Variants in MROH7 observed in about 807,000 individuals in gnomAD.
MROH7 encodes the protein maestro heat like repeat family member 7.
MROH7 carries 113 observed loss-of-function variants against 129.2 expected under a neutral mutation model. The observed-to-expected ratio is 0.87, with a 90% CI of 0.75 to 1.02. The LOEUF is 1.02. Among genes scored for constraint, MROH7 ranks in the 50% least tolerant of loss-of-function variants. MROH7 has a pLI of 0.00. For synonymous variants in MROH7, 655 were observed against 667.9 expected (o/e 0.98, Z 0.30); for missense variants, 1,601 against 1,671.3 (o/e 0.96, Z 0.73).
At chr1:54,676,234 C>T (rs1644978442) in intron 10 of MROH7, among the ~76,000 whole-genome samples, 1 of 151,970 alleles carries the variant, frequency 6.6e-6, no homozygotes, top group African/African-American at 2.4e-5. Flanking sequence ...AAGAACCATA[C>T]TCTTAGATTT....
At chr1:54,695,537 T>A (rs1208086565) in intron 17 of MROH7, 47 bp downstream of exon 17, 7 of 1,185,754 alleles carry the variant, frequency 5.9e-6, no homozygotes, top group Non-Finnish European at 8.7e-6. Flanking sequence ...CTCCCGGGCC[T>A]CGGTTCACGT....
chr1:54,670,472 G>A (rs751752502), intron 5 of MROH7, 25 bp from the exon 6 acceptor site: 15 of 1,609,782 alleles, frequency 9.3e-6, no homozygotes, highest in African/African-American at 2.7e-5. Flanking sequence ...TGTCCTCATC[G>A]GCCCTTCTGT....
intron 4 of MROH7, among the ~76,000 whole-genome samples, chr1:54,667,403 T>C (rs1340844301): frequency 1.3e-5 from 2 of 152,118 alleles, no homozygotes; most frequent in African/African-American, 4.8e-5. Context: ...GGAGGATCAC[T>C]TGAGGCCAGG....
chr1:54,691,803 AGTGTGTGTGT>A (rs373106798), intron 15 of MROH7, among the ~76,000 whole-genome samples: 130 of 104,182 alleles, frequency 1.2e-3, no homozygotes, highest in African/African-American at 4.3e-3. Flanking sequence ...AAAAAAAAAA[AGTGTGTGTGT>A]GTGTGTGTGT....
chr1:54,670,653 T>A, intron 6 of MROH7, 77 bp downstream of exon 6: 2 of 1,487,630 alleles, frequency 1.3e-6, no homozygotes, highest in South Asian at 2.5e-5. Context: ...ATCTCTTCGC[T>A]GTACCCTCCC....
intron 10 of MROH7, among the ~76,000 whole-genome samples, chr1:54,678,103 G>A (rs1208391734): frequency 2.0e-5 from 3 of 152,168 alleles, no homozygotes; most frequent in African/African-American, 4.8e-5. Context: ...TGCACTGCTG[G>A]TGGGGTTACC....
rs928941838 is a variant in MROH7 at position 54,653,008 on chromosome 1, G to C, written c.82G>C (p.Gly28Arg). The change falls in exon 3 of 24, where the codon GGA becomes CGA. Residue 28 changes from glycine to arginine, a missense_variant. By Grantham distance (125) the Gly-to-Arg change is moderately radical (BLOSUM62 -2). Coordinates refer to ENST00000421030, the MANE Select transcript of MROH7 (RefSeq NM_001039464.4). Reference sequence around the variant, plus strand: ...AAGTCCCCCCTCCTGTGGGGCCCCGGGATTAGGGTCTGGTACCATCCCTCA... The same window carrying C: ...AAGTCCCCCCTCCTGTGGGGCCCCGCGATTAGGGTCTGGTACCATCCCTCA... The part of the protein sequence containing the change: ...TPSPPSCGAP[G>R]LGSGTIPQPH... 1 of 1,614,134 alleles carries C rather than the reference G, an allele frequency of 6.2e-7. No individual in the cohort carries two copies. Among genetic ancestry groups the C allele is most frequent in the Non-Finnish European group, 8.5e-7 (1 of 1,180,010 alleles).
intron 1 of MROH7, among the ~76,000 whole-genome samples, chr1:54,647,352 G>A (rs1644482760): frequency 6.6e-6 from 1 of 152,034 alleles, no homozygotes; most frequent in South Asian, 2.1e-4. Flanking sequence ...GATCTTGCCT[G>A]TAATCCCAGC....
intron 16 of MROH7, among the ~76,000 whole-genome samples, chr1:54,694,326 A>G (rs1312068473): frequency 6.6e-6 from 1 of 152,254 alleles, no homozygotes; most frequent in Non-Finnish European, 1.5e-5. Context: ...CATGATTGCC[A>G]GACTGCACTG....
rs9332417 is a variant in MROH7 at position 54,653,616 on chromosome 1, G to C, written c.690G>C (p.Leu230=). The C allele has an allele frequency of 0.55, 888,981 of 1,613,626 alleles. 250,435 individuals carry two copies. Among genetic ancestry groups the C allele is most frequent in the Non-Finnish European group, 0.59 (691,297 of 1,179,844 alleles). The change falls in exon 3 of 24, where the codon CTG becomes CTC. Residue 230 remains leucine, a synonymous_variant. Transcript: ENST00000421030. ...CAAGAAACACCTCCAAGCTGAACCT[G>C]AATGTAGCTCCAGATTCTCATGGGA... ...MGSRNTSKLN[L]NVAPDSHGTL...
intron 14 of MROH7, 69 bp downstream of exon 14, chr1:54,682,863 A>T (rs1458508143): frequency 1.2e-5 from 19 of 1,551,704 alleles, no homozygotes; most frequent in African/African-American, 8.2e-5. Context: ...CCTCCTGCTG[A>T]GCTAAGCACA....
intron 1 of MROH7, among the ~76,000 whole-genome samples, chr1:54,643,075 A>C (rs553543355): frequency 4.3e-4 from 66 of 152,254 alleles, no homozygotes; most frequent in African/African-American, 1.5e-3. Context: ...GTGCTGGGAA[A>C]ATAGGGGTAA....
intron 13 of MROH7, among the ~76,000 whole-genome samples, chr1:54,681,511 C>G (rs760750469): frequency 3.9e-5 from 6 of 152,194 alleles, no homozygotes; most frequent in Admixed American, 6.5e-5. Context: ...CCAGTGGAGT[C>G]ATTATTACCA....
At chr1:54,676,928 C>T (rs112246391) in intron 10 of MROH7, among the ~76,000 whole-genome samples, 2,050 of 151,852 alleles carry the variant, frequency 0.013, 59 homozygotes, top group African/African-American at 0.046. Context: ...AGGCTGGTCT[C>T]GAACTCCTGA....
chr1:54,695,649 T>C lies in MROH7; in HGVS notation c.2964+159T>C, dbSNP rs1173257274. Reference sequence around the variant, plus strand: ...TGATGATCTTGTTGGTCTCCCTCCCTCCCCTCCCTGTCTCTCCACCCTTTA... The same window carrying C: ...TGATGATCTTGTTGGTCTCCCTCCCCCCCCTCCCTGTCTCTCCACCCTTTA... On this transcript the variant is annotated intron_variant, in intron 17 of 23. Transcript: ENST00000421030. The C allele has an allele frequency of 4.4e-6, 3 of 687,798 alleles. No homozygotes were observed. In the Admixed American group the frequency reaches 6.1e-5, roughly 14 times the overall value. 42.6% of individuals were successfully genotyped at this position (687,798 alleles called of 1,614,324 possible).
chr1:54,680,636 G>A (rs1645054861), intron 13 of MROH7, among the ~76,000 whole-genome samples: 1 of 152,250 alleles, frequency 6.6e-6, no homozygotes, highest in Admixed American at 6.5e-5. Context: ...CTGATGGGCA[G>A]AGGGGACTGT....
At chr1:54,647,481 T>G (rs113483487) in intron 1 of MROH7, among the ~76,000 whole-genome samples, 323 of 152,226 alleles carry the variant, frequency 2.1e-3, no homozygotes, top group Non-Finnish European at 3.8e-3. Flanking sequence ...GGCTCACGCC[T>G]GTAATCCCAG....
At chr1:54,698,108 G>A (rs929120513) in intron 17 of MROH7, 10 of 170,276 alleles carry the variant, frequency 5.9e-5, no homozygotes, top group African/African-American at 1.9e-4. Context: ...CCTCCGCCCC[G>A]GCTTCCTGTC....
intron 15 of MROH7, among the ~76,000 whole-genome samples, chr1:54,690,472 G>A (rs1489479666): frequency 6.7e-6 from 1 of 149,736 alleles, no homozygotes; most frequent in Non-Finnish European, 1.5e-5. Flanking sequence ...TTTAGACGGA[G>A]TCTCACTGTC....
Sources: gnomAD v4.1 joint callset for allele counts (sites outside exome capture counted in the v4.1 genomes callset) on GRCh38, gnomAD v4.1.1 for gene constraint, MANE v1.5 for transcripts, NCBI Gene and HGNC (gene_info 2026-07-23, HGNC 2026-07-21) for gene names.